The following TBCK variants were observed in gnomAD, a reference collection of about 807,000 sequenced individuals.
The protein encoded by TBCK is TBC domain-containing protein kinase-like protein.
Under a neutral mutation model 113.4 loss-of-function variants are expected in TBCK, and 99 were observed. That is an observed-to-expected ratio of 0.87 (90% CI 0.74 to 1.03). TBCK has a LOEUF of 1.03. Among genes scored for constraint, TBCK ranks in the 50% least tolerant of loss-of-function variants. The pLI, the probability that TBCK is intolerant of heterozygous loss-of-function variation, is 0.00. For missense variants in TBCK, 1,045 were observed against 1,061.3 expected, an observed-to-expected ratio of 0.98 and a Z score of 0.21; for synonymous variants, 369 against 370.8, an observed-to-expected ratio of 1.00 and a Z score of 0.05.
At chr4:106,187,965 T>A (rs1236878608) in intron 22 of TBCK, among the ~76,000 whole-genome samples, 1 of 152,168 alleles carries the variant, frequency 6.6e-6, no homozygotes, top group Non-Finnish European at 1.5e-5. Context: ...CTATGGGGAT[T>A]TCTAGGCATA....
chr4:106,293,416 C>G, intron 3 of TBCK, among the ~76,000 whole-genome samples: 1 of 152,186 alleles, frequency 6.6e-6, no homozygotes. Flanking sequence ...AGGGATCCCA[C>G]TGACTCTACA....
intron 19 of TBCK, among the ~76,000 whole-genome samples, chr4:106,214,319 C>G (rs1247011055): frequency 6.6e-6 from 1 of 152,204 alleles, no homozygotes; most frequent in Non-Finnish European, 1.5e-5. Flanking sequence ...GCCTCTCCTC[C>G]TCCAAAGGAA....
chr4:106,083,247 T>C (rs1739103995), intron 25 of TBCK, among the ~76,000 whole-genome samples: 1 of 152,208 alleles, frequency 6.6e-6, no homozygotes, highest in African/African-American at 2.4e-5. Flanking sequence ...TTTTCCCTGC[T>C]GGAGCAAGGG....
chr4:106,158,011 G>A (rs1471153048), intron 23 of TBCK, among the ~76,000 whole-genome samples: 3 of 152,046 alleles, frequency 2.0e-5, no homozygotes, highest in South Asian at 2.1e-4. Flanking sequence ...AAAACTGAAC[G>A]AAATCTAATT....
rs993072047 is a variant in TBCK, at chr4:106,254,944, T to C, written c.456-2937A>G. On this transcript the variant is annotated intron_variant, in intron 5 of 25. Coordinates refer to ENST00000394708, the MANE Select transcript of TBCK (RefSeq NM_001163435.3). ...TTGTTAAGAGCTCTCAAAACATACA[T>C]ACCTTTTAGTTTCTCTTTGGGAAAA... The C allele has an allele frequency of 9.8e-5, 16 of 163,648 alleles. No individual in the cohort carries two copies. In the South Asian group the frequency reaches 2.3e-3, roughly 24 times the overall value. The allele number at this position is 163,648 out of a possible 1,614,324, so 10.1% of individuals were successfully genotyped here. A position where few individuals can be genotyped will look rare whatever the true frequency, so the allele number is the denominator to read the frequency against.
intron 23 of TBCK, among the ~76,000 whole-genome samples, chr4:106,133,489 A>G (rs1350857507): frequency 6.6e-6 from 1 of 152,220 alleles, no homozygotes; most frequent in Admixed American, 6.5e-5. Context: ...TCCAAAAATG[A>G]TAAAAAGAGA....
intron 25 of TBCK, among the ~76,000 whole-genome samples, chr4:106,058,260 T>C (rs1483919340): frequency 6.6e-6 from 1 of 151,732 alleles, no homozygotes; most frequent in Non-Finnish European, 1.5e-5. Flanking sequence ...GTTGTTCAAA[T>C]TGTGCCTTGT....
At chr4:106,190,404 TC>T (rs1753529568) in intron 22 of TBCK, among the ~76,000 whole-genome samples, 1 of 152,226 alleles carries the variant, frequency 6.6e-6, no homozygotes, top group Non-Finnish European at 1.5e-5. Context: ...TAGTCAACTG[TC>T]CACTCATCTG....
intron 2 of TBCK, among the ~76,000 whole-genome samples, chr4:106,306,567 T>C (rs957272039): frequency 4.6e-5 from 7 of 152,102 alleles, no homozygotes; most frequent in Non-Finnish European, 7.4e-5. Flanking sequence ...CTCATTTTTG[T>C]ATATTTGGCA....
rs1374602882 is a variant in TBCK at position 106,230,239 on chromosome 4, A to G, written c.1774+124T>C. 1.1e-5 allele frequency: 5 copies of G among 469,002 alleles called. No individual in the cohort carries two copies. In the South Asian group the frequency reaches 2.4e-4, roughly 22 times the overall value. 29.1% of individuals were successfully genotyped at this position (469,002 alleles called of 1,614,324 possible). On this transcript the variant is annotated intron_variant, in intron 19 of 25. Coordinates refer to ENST00000394708, the MANE Select transcript of TBCK (RefSeq NM_001163435.3). ...TGAACTTTCTAATTTCTCTTTATGG[A>G]TTTTATTGGATGGACCATCATCGTA...
chr4:106,050,622 A>G (rs1383464860), intron 25 of TBCK, among the ~76,000 whole-genome samples: 1 of 152,074 alleles, frequency 6.6e-6, no homozygotes, highest in Non-Finnish European at 1.5e-5. Flanking sequence ...GAAAATTAGA[A>G]AATATTCTCA....
intron 20 of TBCK, among the ~76,000 whole-genome samples, chr4:106,198,608 A>T (rs138569327): frequency 5.3e-4 from 80 of 152,146 alleles, no homozygotes; most frequent in Middle Eastern, 6.8e-3. Context: ...TACCTATCCC[A>T]CTATGCTTTG....
intron 2 of TBCK, among the ~76,000 whole-genome samples, chr4:106,307,264 C>T (rs1270854691): frequency 6.6e-6 from 1 of 152,138 alleles, no homozygotes. Context: ...GACTTAATTG[C>T]TCTGTGGTTT....
intron 25 of TBCK, among the ~76,000 whole-genome samples, chr4:106,074,343 T>A (rs780814669): frequency 6.6e-6 from 1 of 152,214 alleles, no homozygotes; most frequent in Non-Finnish European, 1.5e-5. Context: ...ATTATCATCA[T>A]ACATAAGATA....
At chr4:106,119,181 C>A (rs767771536) in intron 23 of TBCK, among the ~76,000 whole-genome samples, 10 of 152,068 alleles carry the variant, frequency 6.6e-5, no homozygotes, top group Admixed American at 1.3e-4. Context: ...GTCTATATCA[C>A]ATTTTCCTTA....
chr4:106,190,095 A>T (rs912503546), intron 22 of TBCK, among the ~76,000 whole-genome samples: 1 of 152,224 alleles, frequency 6.6e-6, no homozygotes, highest in African/African-American at 2.4e-5. Flanking sequence ...GAGGTCACAA[A>T]TTAGTAGCCT....
intron 20 of TBCK, among the ~76,000 whole-genome samples, chr4:106,210,357 C>T (rs1755987955): frequency 6.6e-6 from 1 of 152,118 alleles, no homozygotes; most frequent in Non-Finnish European, 1.5e-5. Flanking sequence ...GAAACCAACA[C>T]AAATATGCTA....
intron 12 of TBCK, among the ~76,000 whole-genome samples, chr4:106,239,779 TAA>T (rs767904778): frequency 1.3e-5 from 2 of 152,050 alleles, no homozygotes; most frequent in Non-Finnish European, 2.9e-5. Flanking sequence ...AATATGGTTT[TAA>T]AGCTAACTCC....
intron 25 of TBCK, among the ~76,000 whole-genome samples, chr4:106,073,664 G>A (rs188696013): frequency 1.5e-4 from 23 of 152,316 alleles, no homozygotes; most frequent in African/African-American, 4.6e-4. Flanking sequence ...AGACTGGGAC[G>A]TTTAAGTCTG....
Sources: allele counts gnomAD v4.1 joint callset (sites outside exome capture counted in the v4.1 genomes callset), GRCh38; gene constraint gnomAD v4.1.1; transcripts MANE v1.5; gene names NCBI Gene and HGNC (gene_info 2026-07-23, HGNC 2026-07-21).